KIF27: variants seen among roughly 807,000 people sequenced by gnomAD.
The protein encoded by KIF27 is kinesin-like protein KIF27.
A neutral mutation model predicts 141.8 loss-of-function variants in KIF27; 84 were observed. The ratio of observed to expected loss-of-function variants is 0.59; its 90% CI spans 0.50 to 0.71. KIF27 has a LOEUF of 0.71. KIF27 is among the 30% of genes least tolerant of loss of function. The pLI, the probability that KIF27 is intolerant of heterozygous loss-of-function variation, is 0.00. For synonymous variants in KIF27, 471 were observed against 569.5 expected, an observed-to-expected ratio of 0.83 and a Z score of 2.46; for missense variants, 1,306 against 1,628.4, an observed-to-expected ratio of 0.80 and a Z score of 3.41.
At position 83,903,550 on chromosome 9, in the gene KIF27, G is replaced by C. The variant is rs746349752; in HGVS notation, c.968C>G (p.Ser323Trp). Reference protein sequence around the residue: ...VMITCVSPSSSNFDESLNSLK... With the variant: ...VMITCVSPSSWNFDESLNSLK... ...AGAATTTAAGGACTCATCAAAATTC[G>C]AGGAGGAGGGGCTGACACATGTGAT... The change falls in exon 4 of 18, where the codon TCG becomes TGG. Residue 323 changes from serine (S) to tryptophan (W), a missense_variant. Physicochemically the swap from Ser to Trp is radical, Grantham distance 177. This residue lies in a region of KIF27 where 533 missense variants were observed against 565.6 expected (regional missense o/e 0.94). Coordinates refer to ENST00000297814, the MANE Select transcript of KIF27 (RefSeq NM_017576.4). 7 of 1,613,932 alleles carry C rather than the reference G, an allele frequency of 4.3e-6. No individual in the cohort carries two copies. Among genetic ancestry groups the C allele is most frequent in the Non-Finnish European group, 5.9e-6 (7 of 1,179,972 alleles).
At chr9:83,914,881 A>C (rs541180961) in intron 2 of KIF27, among the ~76,000 whole-genome samples, 1 of 152,360 alleles carries the variant, frequency 6.6e-6, no homozygotes, top group South Asian at 2.1e-4. Flanking sequence ...TCTGGCTAGA[A>C]TATGAAAAAG....
chr9:83,840,189 A>C (rs1383882917), intron 17 of KIF27, among the ~76,000 whole-genome samples: 4 of 152,206 alleles, frequency 2.6e-5, no homozygotes, highest in Non-Finnish European at 4.4e-5. Flanking sequence ...GCATGGGCAA[A>C]ATATGAAAAG....
chr9:83,911,021 G>C (rs1464154118), intron 2 of KIF27, among the ~76,000 whole-genome samples: 2 of 152,062 alleles, frequency 1.3e-5, no homozygotes, highest in Non-Finnish European at 2.9e-5. Flanking sequence ...AGAGAGAGAA[G>C]CTAGACACAG....
At chr9:83,893,689 C>A (rs1183625489) in intron 5 of KIF27, among the ~76,000 whole-genome samples, 1 of 151,502 alleles carries the variant, frequency 6.6e-6, no homozygotes, top group Non-Finnish European at 1.5e-5. Flanking sequence ...AAATATTCAT[C>A]TAAAGATGTT....
chr9:83,863,711 C>A (rs1294675743), intron 13 of KIF27: 1 of 152,138 alleles, frequency 6.6e-6, no homozygotes, highest in Non-Finnish European at 1.5e-5. Context: ...AGGGAGGATT[C>A]CCTCTTTTTC....
chr9:83,843,673 T>G (rs550715746), intron 16 of KIF27, among the ~76,000 whole-genome samples: 2 of 152,200 alleles, frequency 1.3e-5, no homozygotes, highest in South Asian at 2.1e-4. Context: ...ATTAGAAAAT[T>G]CATGAATTGT....
rs113210971 is a variant in KIF27 at position 83,903,572 on chromosome 9, T to C, written c.946A>G (p.Thr316Ala). ...TTCGAGGAGGAGGGGCTGACACATG[T>C]GATCATGACAGTCTTAGCACTGCCT... ...LGGSAKTVMI[T>A]CVSPSSSNFD... The change falls in exon 4 of 18, where the codon ACA becomes GCA. Residue 316 changes from threonine to alanine, a missense_variant. Coordinates refer to ENST00000297814, the MANE Select transcript of KIF27 (RefSeq NM_017576.4). 2,523 of 1,614,184 alleles carry C rather than the reference T, an allele frequency of 1.6e-3. 30 individuals are homozygous for C. The African/African-American group carries it at 0.03, about 19-fold the overall frequency.
At chr9:83,892,531 G>A (rs1230437912) in intron 5 of KIF27, among the ~76,000 whole-genome samples, 1 of 152,034 alleles carries the variant, frequency 6.6e-6, no homozygotes, top group African/African-American at 2.4e-5. Context: ...CACAGAGGAG[G>A]AAGGATAAAT....
chr9:83,844,426 C>A (rs1213323145), intron 16 of KIF27, among the ~76,000 whole-genome samples: 1 of 151,296 alleles, frequency 6.6e-6, no homozygotes, highest in Non-Finnish European at 1.5e-5. Flanking sequence ...GGTTTTGGTA[C>A]CAGGAGTGGC....
intron 7 of KIF27, among the ~76,000 whole-genome samples, 163 bp downstream of exon 7, chr9:83,888,921 A>T (rs1374650509): frequency 1.3e-5 from 2 of 152,150 alleles, no homozygotes; most frequent in Non-Finnish European, 2.9e-5. Context: ...CTTGTGTTCA[A>T]ATACTATTTT....
At chr9:83,859,568 G>T in intron 13 of KIF27, 197 bp from the exon 14 acceptor site, 1 of 542,670 alleles carries the variant, frequency 1.8e-6, no homozygotes, top group Admixed American at 3.2e-5. Context: ...TTTTGCTCTT[G>T]TTCCCCAGGC....
intron 1 of KIF27, among the ~76,000 whole-genome samples, chr9:83,920,628 G>A (rs1956159779): frequency 1.3e-5 from 2 of 152,150 alleles, no homozygotes; most frequent in Non-Finnish European, 2.9e-5. Context: ...CGCATACGGA[G>A]CTCAGAAAAG....
chr9:83,859,301 T>A lies in KIF27; in HGVS notation c.3005A>T (p.Asn1002Ile), dbSNP rs142530672. 195 of 1,614,176 alleles carry A rather than the reference T, an allele frequency of 1.2e-4. 1 individual carries two copies. In the South Asian group the frequency reaches 1.8e-3, roughly 15 times the overall value. ...AGCTGTACTGGTCTGGAGCTGCACA[T>A]TCTTTTCAGACAACTCTTGTTCCAG... is the stretch of plus-strand genomic sequence containing the variant. ...NLLEQELSEK[N>I]VQLQTSTAEE... The change falls in exon 14 of 18, where the codon AAT becomes ATT. Residue 1002 changes from asparagine to isoleucine, a missense_variant. Physicochemically the swap from Asn to Ile is moderately radical, Grantham distance 149. Around this residue, in one of 4 missense-constraint regions of KIF27, gnomAD observed 596 missense variants for 751.6 expected, o/e 0.79. Coordinates refer to ENST00000297814, the MANE Select transcript of KIF27 (RefSeq NM_017576.4).
Position 83,908,473 on chromosome 9 carries a change from C to G in KIF27, c.478G>C (p.Glu160Gln), listed in dbSNP as rs1379335676. Residue 160 changes from glutamate to glutamine, a missense_variant, in exon 3 of 18, where the codon GAA (glutamate) becomes CAA (glutamine). By Grantham distance (29) the Glu-to-Gln change is conservative. Transcript: ENST00000297814. The part of the protein sequence containing the change: ...ETSMKDLHIR[E>Q]DEKGNTVIVG... ...TTACCTGTGTTTCCTTTTTCATCTT[C>G]TCGGATGTGAAGATCCTTCATGGAT... 1 of 1,609,386 alleles carries G rather than the reference C, an allele frequency of 6.2e-7. No individual in the cohort carries two copies. The highest frequency in any genetic ancestry group is 8.5e-7 in the Non-Finnish European group (1 of 1,177,626).
intron 3 of KIF27, among the ~76,000 whole-genome samples, chr9:83,905,614 T>C (rs1339973655): frequency 1.3e-5 from 2 of 152,218 alleles, no homozygotes; most frequent in African/African-American, 2.4e-5. Flanking sequence ...ACCCAGTTCA[T>C]TTAAAGTCCT....
intron 15 of KIF27, among the ~76,000 whole-genome samples, chr9:83,852,766 C>T (rs1948754961): frequency 6.6e-6 from 1 of 152,060 alleles, no homozygotes; most frequent in Non-Finnish European, 1.5e-5. Flanking sequence ...GTATCTGGGA[C>T]TACAGGTGTA....
Position 83,915,512 on chromosome 9 carries a change from C to A in KIF27, c.80G>T (p.Cys27Phe), listed in dbSNP as rs201835321. The A allele has an allele frequency of 4.6e-5, 74 of 1,613,876 alleles. No homozygotes were observed. The highest frequency in any genetic ancestry group is 3.3e-4 in the Middle Eastern group (2 of 6,054). Residue 27 changes from cysteine to phenylalanine, a missense_variant, in exon 2 of 18, where the codon TGT (cysteine) becomes TTT (phenylalanine). Physicochemically the swap from Cys to Phe is radical, Grantham distance 205 (BLOSUM62 -2). Coordinates refer to ENST00000297814, the MANE Select transcript of KIF27 (RefSeq NM_017576.4). ...CTGGCTGTTTGGAATAACTCTCACA[C>A]AAACTTGATGATTATGAAGAGCTTC... ...CKEALHNHQV[C>F]VRVIPNSQQV...
At position 83,908,659 on chromosome 9, in the gene KIF27, A is replaced by T; in HGVS notation, c.299-7T>A. ...TGGCCCTCCACAACTGAAGCTGAAA[A>T]TTTAGAAAAAGAAAGCACATCTGGA... On this transcript the variant is annotated splice_region_variant and splice_polypyrimidine_tract_variant and intron_variant, in intron 2 of 17. Coordinates refer to ENST00000297814, the MANE Select transcript of KIF27 (RefSeq NM_017576.4). 2 of 1,566,144 alleles carry T rather than the reference A, an allele frequency of 1.3e-6. No individual in the cohort carries two copies. Among genetic ancestry groups the T allele is most frequent in the Non-Finnish European group, 1.7e-6 (2 of 1,157,422 alleles).
intron 14 of KIF27, 111 bp from the exon 15 acceptor site, chr9:83,853,946 A>T: frequency 1.3e-6 from 1 of 783,598 alleles, no homozygotes; most frequent in Non-Finnish European, 2.0e-6. Context: ...CCACTCTTGT[A>T]CTAGATTTTA....
Sources: gnomAD v4.1 joint callset for allele counts (sites outside exome capture counted in the v4.1 genomes callset) on GRCh38, gnomAD v4.1.1 for gene constraint, gnomAD v4.1.1 regional missense constraint, MANE v1.5 for transcripts, NCBI Gene and HGNC (gene_info 2026-07-23, HGNC 2026-07-21) for gene names.